The following MYO1B variants were observed in gnomAD, a reference collection of about 807,000 sequenced individuals.
MYO1B encodes myosin IB.
Under a neutral mutation model 159.7 loss-of-function variants are expected in MYO1B, and 72 were observed. The ratio of observed to expected loss-of-function variants is 0.45; its 90% CI spans 0.37 to 0.55. MYO1B has a LOEUF of 0.55. Among genes scored for constraint, MYO1B ranks in the 20% least tolerant of loss-of-function variants. The pLI, the probability that MYO1B is intolerant of heterozygous loss-of-function variation, is 0.00. For synonymous variants in MYO1B, 468 were observed against 473.8 expected (o/e 0.99, Z 0.16); for missense variants, 1,062 against 1,364.8 (o/e 0.78, Z 3.50).
intron 2 of MYO1B, among the ~76,000 whole-genome samples, chr2:191,289,223 T>A (rs1305907512): frequency 6.6e-6 from 1 of 152,256 alleles, no homozygotes; most frequent in Non-Finnish European, 1.5e-5. Flanking sequence ...AGATGCTTTA[T>A]ATGGCATTGT....
intron 7 of MYO1B, among the ~76,000 whole-genome samples, chr2:191,356,134 A>G (rs1185689230): frequency 2.0e-5 from 3 of 152,166 alleles, no homozygotes; most frequent in African/African-American, 7.2e-5. Context: ...CTGTTAGAAC[A>G]CTTCCTAAAG....
chr2:191,317,316 G>A (rs561542360), intron 3 of MYO1B, among the ~76,000 whole-genome samples: 89 of 152,278 alleles, frequency 5.8e-4, no homozygotes, highest in African/African-American at 2.0e-3. Context: ...TTTTGGAGAC[G>A]AAAGGGCATA....
At chr2:191,267,769 T>G (rs1687227723) in intron 1 of MYO1B, among the ~76,000 whole-genome samples, 1 of 152,108 alleles carries the variant, frequency 6.6e-6, no homozygotes, top group Non-Finnish European at 1.5e-5. Context: ...TTCACCCAGT[T>G]TGCGTTTTTG....
At chr2:191,357,080 A>G (rs1693342034) in intron 7 of MYO1B, among the ~76,000 whole-genome samples, 1 of 152,222 alleles carries the variant, frequency 6.6e-6, no homozygotes, top group Admixed American at 6.5e-5. Context: ...GAGAGTATAC[A>G]TAAAATAATG....
At chr2:191,284,046 A>AT (rs1250111037) in intron 2 of MYO1B, among the ~76,000 whole-genome samples, 1 of 152,160 alleles carries the variant, frequency 6.6e-6, no homozygotes, top group Non-Finnish European at 1.5e-5. Context: ...CATGACAATG[A>AT]TTTTTTCCCC....
intron 2 of MYO1B, among the ~76,000 whole-genome samples, chr2:191,284,964 T>C (rs1437201415): frequency 1.3e-5 from 2 of 152,172 alleles, no homozygotes; most frequent in African/African-American, 4.8e-5. Flanking sequence ...AGTTAGATTC[T>C]TTCTCTTCTC....
At chr2:191,374,305 A>G (rs1298921956) in intron 13 of MYO1B, among the ~76,000 whole-genome samples, 2 of 152,264 alleles carry the variant, frequency 1.3e-5, no homozygotes, top group South Asian at 2.1e-4. Flanking sequence ...AGTGAAAAGA[A>G]ACTGCTGGAG....
At chr2:191,386,122 A>G (rs1695383844) in intron 16 of MYO1B, 38 bp downstream of exon 16, 2 of 1,602,666 alleles carry the variant, frequency 1.2e-6, no homozygotes, top group South Asian at 2.2e-5. Context: ...AGGCCTGCCA[A>G]GTTACCCCTG....
intron 1 of MYO1B, among the ~76,000 whole-genome samples, chr2:191,261,565 C>G: frequency 6.6e-6 from 1 of 152,190 alleles, no homozygotes; most frequent in South Asian, 2.1e-4. Context: ...AGAACACAGT[C>G]TGATGGGGCA....
At chr2:191,350,789 T>C (rs1256120501) in intron 7 of MYO1B, among the ~76,000 whole-genome samples, 1 of 148,740 alleles carries the variant, frequency 6.7e-6, no homozygotes, top group Non-Finnish European at 1.5e-5. Context: ...GGAAGTGAAA[T>C]ATTTTATGTG....
At chr2:191,299,516 G>C (rs62179658) in intron 3 of MYO1B, among the ~76,000 whole-genome samples, 1 of 152,222 alleles carries the variant, frequency 6.6e-6, no homozygotes, top group African/African-American at 2.4e-5. Context: ...AAAGCAACTC[G>C]TGTTCTTCCT....
At chr2:191,315,776 A>G (rs1690308121) in intron 3 of MYO1B, among the ~76,000 whole-genome samples, 1 of 152,270 alleles carries the variant, frequency 6.6e-6, no homozygotes, top group Admixed American at 6.5e-5. Context: ...AGCAGCGGAC[A>G]TAACACCAAA....
At chr2:191,251,734 A>G (rs1341126558) in intron 1 of MYO1B, among the ~76,000 whole-genome samples, 1 of 152,268 alleles carries the variant, frequency 6.6e-6, no homozygotes, top group Non-Finnish European at 1.5e-5. Context: ...TTGAAAGGAC[A>G]GTGGAACAGA....
chr2:191,418,023 A>G (rs1412246368), intron 30 of MYO1B, among the ~76,000 whole-genome samples: 1 of 152,218 alleles, frequency 6.6e-6, no homozygotes, highest in Non-Finnish European at 1.5e-5. Context: ...GCGAAGATTT[A>G]TAATGTGGCC....
intron 3 of MYO1B, among the ~76,000 whole-genome samples, chr2:191,318,744 T>G (rs1215485999): frequency 4.6e-5 from 7 of 152,216 alleles, no homozygotes; most frequent in African/African-American, 1.7e-4. Flanking sequence ...TGAGATGTAT[T>G]GACATGACTT....
intron 28 of MYO1B, 148 bp downstream of exon 28, chr2:191,414,328 G>T: frequency 8.7e-7 from 1 of 1,152,830 alleles, no homozygotes; most frequent in Middle Eastern, 2.7e-4. Context: ...AGCTTAGGTG[G>T]AATTTTGCTT....
intron 3 of MYO1B, 70 bp downstream of exon 3, chr2:191,296,296 C>CT: frequency 1.3e-6 from 1 of 743,926 alleles, no homozygotes; most frequent in Non-Finnish European, 2.0e-6. Flanking sequence ...ATGTGTGCAG[C>CT]TGTCTCCTTT....
At chr2:191,308,538 A>G (rs1010228463) in intron 3 of MYO1B, among the ~76,000 whole-genome samples, 3 of 152,048 alleles carry the variant, frequency 2.0e-5, no homozygotes, top group African/African-American at 7.2e-5. Flanking sequence ...TCCCCTGTCT[A>G]CTGCCTTATC....
At chr2:191,284,813 T>C (rs1400680646) in intron 2 of MYO1B, among the ~76,000 whole-genome samples, 1 of 152,160 alleles carries the variant, frequency 6.6e-6, no homozygotes, top group Non-Finnish European at 1.5e-5. Context: ...TTTGTACTTT[T>C]AGTACAAACA....
Sources: gnomAD v4.1 joint callset for allele counts (sites outside exome capture counted in the v4.1 genomes callset) on GRCh38, gnomAD v4.1.1 for gene constraint, MANE v1.5 for transcripts, NCBI Gene and HGNC (gene_info 2026-07-23, HGNC 2026-07-21) for gene names.